The following FBN1 variants were observed in gnomAD, a reference collection of about 807,000 sequenced individuals.
The protein encoded by FBN1 is fibrillin-1.
In FBN1, 29 loss-of-function variants were observed where a neutral mutation model predicts 365.1. That is an observed-to-expected ratio of 0.08 (90% CI 0.06 to 0.11). The LOEUF is 0.11. FBN1 is among the 10% of genes least tolerant of loss of function. The pLI is 1.00. For missense variants in FBN1, 2,476 were observed against 3,703.2 expected, an observed-to-expected ratio of 0.67 and a Z score of 8.60; for synonymous variants, 1,210 against 1,270.5, an observed-to-expected ratio of 0.95 and a Z score of 1.01.
At chr15:48,541,545 G>A (rs148729107) in intron 6 of FBN1, among the ~76,000 whole-genome samples, 1 of 152,128 alleles carries the variant, frequency 6.6e-6, no homozygotes, top group East Asian at 1.9e-4. Flanking sequence ...ATGTCATTCC[G>A]ATTTGGCGGC....
intron 4 of FBN1, among the ~76,000 whole-genome samples, chr15:48,603,520 C>A (rs1454248713): frequency 1.3e-5 from 2 of 152,138 alleles, no homozygotes; most frequent in Admixed American, 1.3e-4. Flanking sequence ...AGAATATATA[C>A]CGAAATTGGT....
At chr15:48,454,731 G>A (rs2043226722) in intron 44 of FBN1, among the ~76,000 whole-genome samples, 1 of 152,220 alleles carries the variant, frequency 6.6e-6, no homozygotes, top group Non-Finnish European at 1.5e-5. Flanking sequence ...ATCAGCCGAT[G>A]CCTCTTGGGC....
chr15:48,576,682 T>G (rs563004973), intron 6 of FBN1, among the ~76,000 whole-genome samples: 1 of 152,166 alleles, frequency 6.6e-6, no homozygotes, highest in Non-Finnish European at 1.5e-5. Flanking sequence ...ACAATTTTTA[T>G]CAAGAGCCTA....
chr15:48,444,736 A>T, intron 48 of FBN1, 76 bp from the exon 49 acceptor site: 1 of 1,506,010 alleles, frequency 6.6e-7, no homozygotes, highest in Non-Finnish European at 9.2e-7. Flanking sequence ...ATTCAAAAAA[A>T]CTAGAATGAA....
chr15:48,556,922 T>G (rs191363003), intron 6 of FBN1, among the ~76,000 whole-genome samples: 44 of 152,334 alleles, frequency 2.9e-4, no homozygotes, highest in African/African-American at 9.9e-4. Flanking sequence ...GTGATTTAAT[T>G]CAAGAAAAAG....
At chr15:48,570,912 G>A (rs1485351511) in intron 6 of FBN1, among the ~76,000 whole-genome samples, 1 of 152,208 alleles carries the variant, frequency 6.6e-6, no homozygotes, top group Non-Finnish European at 1.5e-5. Context: ...GCCTGTGGAT[G>A]AAGGAGCTTG....
chr15:48,497,914 A>G (rs1379440553), intron 18 of FBN1, among the ~76,000 whole-genome samples: 1 of 152,060 alleles, frequency 6.6e-6, no homozygotes, highest in African/African-American at 2.4e-5. Context: ...CAGACTTCAC[A>G]CTCTTCTATG....
chr15:48,628,745 TTAG>T (rs1450348501), intron 2 of FBN1, among the ~76,000 whole-genome samples: 6 of 152,036 alleles, frequency 3.9e-5, no homozygotes, highest in Non-Finnish European at 7.4e-5. Context: ...CTTTACAGCA[TTAG>T]TAAGTCAATA....
chr15:48,625,716 C>T (rs908535494), intron 2 of FBN1, among the ~76,000 whole-genome samples: 5 of 152,200 alleles, frequency 3.3e-5, no homozygotes, highest in East Asian at 1.9e-4. Flanking sequence ...ATTTCTAGCA[C>T]GAGTGGCTTA....
At chr15:48,419,854 C>T (rs921901094) in intron 63 of FBN1, among the ~76,000 whole-genome samples, 1 of 152,188 alleles carries the variant, frequency 6.6e-6, no homozygotes, top group African/African-American at 2.4e-5. Flanking sequence ...ACTTCACAGA[C>T]GCTTGCTGAA....
intron 6 of FBN1, among the ~76,000 whole-genome samples, chr15:48,592,390 T>G (rs1194693909): frequency 2.0e-5 from 3 of 152,214 alleles, no homozygotes; most frequent in Non-Finnish European, 4.4e-5. Flanking sequence ...ATTTTAAATG[T>G]GCATTCTGAG....
intron 12 of FBN1, 56 bp downstream of exon 12, chr15:48,515,331 G>A (rs2043791239): frequency 3.7e-6 from 6 of 1,602,988 alleles, no homozygotes; most frequent in Non-Finnish European, 5.1e-6. Flanking sequence ...AACCAGTAGA[G>A]TCAAGGAACA....
intron 6 of FBN1, among the ~76,000 whole-genome samples, chr15:48,559,875 G>T (rs749091966): frequency 9.9e-5 from 15 of 152,176 alleles, no homozygotes; most frequent in Non-Finnish European, 1.9e-4. Flanking sequence ...CCTGTTTTGT[G>T]TGCCCATCAT....
At chr15:48,615,988 C>T (rs1889643998) in intron 2 of FBN1, among the ~76,000 whole-genome samples, 1 of 152,186 alleles carries the variant, frequency 6.6e-6, no homozygotes, top group Admixed American at 6.5e-5. Flanking sequence ...TCATCCACAA[C>T]TGTTCATTTT....
chr15:48,556,429 T>A (rs1427733746), intron 6 of FBN1, among the ~76,000 whole-genome samples: 1 of 152,214 alleles, frequency 6.6e-6, no homozygotes, highest in Non-Finnish European at 1.5e-5. Flanking sequence ...AACAATCCTT[T>A]TTGATGAGTT....
At chr15:48,546,090 G>T (rs2141368016) in intron 6 of FBN1, among the ~76,000 whole-genome samples, 2 of 152,262 alleles carry the variant, frequency 1.3e-5, no homozygotes, top group East Asian at 3.9e-4. Context: ...CAGTTGTAAA[G>T]GCCTACATTT....
intron 45 of FBN1, among the ~76,000 whole-genome samples, chr15:48,450,962 C>A (rs2043196875): frequency 6.6e-6 from 1 of 152,164 alleles, no homozygotes; most frequent in South Asian, 2.1e-4. Flanking sequence ...ACCCAACAGG[C>A]TGAATGGTTG....
chr15:48,596,719 G>A (rs895087084), intron 5 of FBN1, among the ~76,000 whole-genome samples: 3 of 152,192 alleles, frequency 2.0e-5, no homozygotes, highest in African/African-American at 4.8e-5. Flanking sequence ...TATGATTTAC[G>A]TTTAATTGCA....
chr15:48,569,821 G>T (rs542537011), intron 6 of FBN1, among the ~76,000 whole-genome samples: 1 of 152,104 alleles, frequency 6.6e-6, no homozygotes, highest in Non-Finnish European at 1.5e-5. Context: ...GCCAACAGGT[G>T]TAAGAAATCT....
Sources: allele counts gnomAD v4.1 joint callset (sites outside exome capture counted in the v4.1 genomes callset), GRCh38; gene constraint gnomAD v4.1.1; transcripts MANE v1.5; gene names NCBI Gene and HGNC (gene_info 2026-07-23, HGNC 2026-07-21).